PLCG2: variants seen among roughly 807,000 people sequenced by gnomAD.
The protein encoded by PLCG2 is 1-phosphatidylinositol 4,5-bisphosphate phosphodiesterase gamma-2.
PLCG2 carries 69 observed loss-of-function variants against 175.6 expected under a neutral mutation model. That is an observed-to-expected ratio of 0.39 (90% CI 0.32 to 0.48). The LOEUF (loss-of-function observed/expected upper bound fraction) is 0.48, where lower values mean the gene tolerates loss of function less well. Ranked by LOEUF, PLCG2 falls within the 20% of genes least tolerant of loss-of-function variation. The pLI is 0.91. For synonymous variants in PLCG2, 827 were observed against 624.0 expected, an observed-to-expected ratio of 1.33 and a Z score of -4.85; for missense variants, 1,798 against 1,650.9, an observed-to-expected ratio of 1.09 and a Z score of -1.54.
chr16:81,927,040 C>T, intron 22 of PLCG2, 42 bp from the exon 23 acceptor site: 4 of 1,338,830 alleles, frequency 3.0e-6, no homozygotes, highest in East Asian at 2.3e-5. Flanking sequence ...GTAATTCATG[C>T]CACCTGGTGA....
intron 31 of PLCG2, among the ~76,000 whole-genome samples, chr16:81,953,979 G>C (rs1412792073): frequency 6.6e-6 from 1 of 152,204 alleles, no homozygotes; most frequent in Non-Finnish European, 1.5e-5. Flanking sequence ...AAAAGGGAAA[G>C]AGAGACCTTT....
At chr16:81,860,041 G>T (rs1203839511) in intron 5 of PLCG2, among the ~76,000 whole-genome samples, 1 of 151,780 alleles carries the variant, frequency 6.6e-6, no homozygotes, top group Non-Finnish European at 1.5e-5. Flanking sequence ...CACAGTCATA[G>T]CTCGCTGCAG....
At chr16:81,874,658 T>A (rs1475295707) in intron 7 of PLCG2, among the ~76,000 whole-genome samples, 1 of 152,170 alleles carries the variant, frequency 6.6e-6, no homozygotes, top group Non-Finnish European at 1.5e-5. Flanking sequence ...TGACTTATAA[T>A]CCCCAGAACT....
intron 2 of PLCG2, among the ~76,000 whole-genome samples, chr16:81,759,625 G>A (rs1263247527): frequency 1.3e-5 from 2 of 152,162 alleles, no homozygotes; most frequent in South Asian, 2.1e-4. Flanking sequence ...GACCCCCAGT[G>A]CCTGGAGCCC....
At chr16:81,845,129 G>T (rs1906046633) in intron 2 of PLCG2, among the ~76,000 whole-genome samples, 1 of 151,946 alleles carries the variant, frequency 6.6e-6, no homozygotes, top group South Asian at 2.1e-4. Flanking sequence ...TTTTAGAGAT[G>T]GGGTATTGCT....
chr16:81,785,560 C>G (rs1355778188), intron 1 of PLCG2, among the ~76,000 whole-genome samples: 1 of 150,524 alleles, frequency 6.6e-6, no homozygotes, highest in Non-Finnish European at 1.5e-5. Flanking sequence ...AATCTCTAGA[C>G]AGGATAGAGA....
At chr16:81,884,601 CTGTGTG>C (rs34497020) in intron 9 of PLCG2, among the ~76,000 whole-genome samples, 2 of 150,486 alleles carry the variant, frequency 1.3e-5, no homozygotes, top group African/African-American at 2.4e-5. Flanking sequence ...TTGTATGGAT[CTGTGTG>C]TGTGTGTGTG....
intron 2 of PLCG2, among the ~76,000 whole-genome samples, chr16:81,771,073 T>A (rs9937006): frequency 0.5 from 73,242 of 145,584 alleles, 18,171 homozygotes; most frequent in East Asian, 0.66. Flanking sequence ...AAAAAAAAAA[T>A]AAATAAATAA....
At chr16:81,803,309 A>G (rs1282741683) in intron 2 of PLCG2, among the ~76,000 whole-genome samples, 2 of 151,664 alleles carry the variant, frequency 1.3e-5, no homozygotes, top group Admixed American at 6.6e-5. Context: ...TTTAGTAGAG[A>G]TGGGGTTTTG....
At chr16:81,801,921 T>C (rs2143248952) in intron 2 of PLCG2, among the ~76,000 whole-genome samples, 1 of 151,976 alleles carries the variant, frequency 6.6e-6, no homozygotes, top group South Asian at 2.1e-4. Context: ...CCACAAGTGA[T>C]CCACCCACCT....
intron 1 of PLCG2, among the ~76,000 whole-genome samples, chr16:81,749,469 C>T (rs1597302037): frequency 6.6e-6 from 1 of 152,166 alleles, no homozygotes; most frequent in East Asian, 1.9e-4. Context: ...TCTCCTGCCT[C>T]AGCCTCCTGA....
intron 2 of PLCG2, among the ~76,000 whole-genome samples, chr16:81,810,888 T>A (rs555757587): frequency 6.6e-6 from 1 of 152,110 alleles, no homozygotes; most frequent in African/African-American, 2.4e-5. Flanking sequence ...ATGACTATAT[T>A]TATAACGAAA....
chr16:81,868,794 C>A (rs1907369242), intron 5 of PLCG2, among the ~76,000 whole-genome samples: 2 of 152,278 alleles, frequency 1.3e-5, no homozygotes, highest in Admixed American at 1.3e-4. Flanking sequence ...GCAAGACCTT[C>A]CTCCATGACC....
intron 2 of PLCG2, among the ~76,000 whole-genome samples, chr16:81,811,860 T>C (rs2143296453): frequency 6.6e-6 from 1 of 152,274 alleles, no homozygotes; most frequent in Admixed American, 6.5e-5. Context: ...AGTAGAATGA[T>C]TTACAATCCT....
At chr16:81,761,582 G>A (rs1428230918) in intron 2 of PLCG2, among the ~76,000 whole-genome samples, 1 of 152,086 alleles carries the variant, frequency 6.6e-6, no homozygotes, top group African/African-American at 2.4e-5. Flanking sequence ...ACTTCATTAT[G>A]CCCCAGTTTC....
intron 24 of PLCG2, among the ~76,000 whole-genome samples, chr16:81,930,621 A>G (rs1000728543): frequency 2.0e-5 from 3 of 150,612 alleles, no homozygotes; most frequent in African/African-American, 7.3e-5. Flanking sequence ...TGTGGTGTGC[A>G]CCTGTGGTCT....
chr16:81,872,697 A>G (rs1053782708), intron 7 of PLCG2, among the ~76,000 whole-genome samples: 1 of 152,226 alleles, frequency 6.6e-6, no homozygotes, highest in African/African-American at 2.4e-5. Flanking sequence ...TCCCAGAGAA[A>G]GGTGTGAGGG....
intron 32 of PLCG2, among the ~76,000 whole-genome samples, chr16:81,957,465 A>C (rs1348846361): frequency 6.6e-6 from 1 of 152,166 alleles, no homozygotes; most frequent in East Asian, 1.9e-4. Flanking sequence ...ATAAATGATG[A>C]CCACTGACTT....
At chr16:81,746,013 AG>A (rs1177873324) in intron 1 of PLCG2, among the ~76,000 whole-genome samples, 1 of 152,238 alleles carries the variant, frequency 6.6e-6, no homozygotes, top group African/African-American at 2.4e-5. Flanking sequence ...AGGAAGAACA[AG>A]GGTGCACTTC....
Sources: gnomAD v4.1 joint callset for allele counts (sites outside exome capture counted in the v4.1 genomes callset) on GRCh38, gnomAD v4.1.1 for gene constraint, MANE v1.5 for transcripts, NCBI Gene and HGNC (gene_info 2026-07-23, HGNC 2026-07-21) for gene names.